The following TSPAN18 variants were observed in gnomAD, a reference collection of about 807,000 sequenced individuals.
TSPAN18 encodes the protein tetraspanin-18.
A neutral mutation model predicts 27.3 loss-of-function variants in TSPAN18; 14 were observed. That is an observed-to-expected ratio of 0.51 (90% CI 0.34 to 0.80). TSPAN18 has a LOEUF of 0.80. Ranked by LOEUF, TSPAN18 falls within the 30% of genes least tolerant of loss-of-function variation. The pLI is 0.01. For synonymous variants in TSPAN18, 143 were observed against 136.5 expected (o/e 1.05, Z -0.33); for missense variants, 268 against 323.9 (o/e 0.83, Z 1.32).
At chr11:44,908,612 G>A (rs1019326997) in intron 4 of TSPAN18, among the ~76,000 whole-genome samples, 1 of 116,856 alleles carries the variant, frequency 8.6e-6, no homozygotes. Flanking sequence ...GCATGTGCCT[G>A]TAGTCCCAGT....
chr11:44,874,125 G>A (rs35888588), intron 3 of TSPAN18, among the ~76,000 whole-genome samples: 2,991 of 152,260 alleles, frequency 0.02, 39 homozygotes, highest in South Asian at 0.042. Flanking sequence ...CCATGGAGCC[G>A]TGCACTCCTG....
At chr11:44,926,621 C>A in intron 8 of TSPAN18, 53 bp from the exon 9 acceptor site, 1 of 1,530,390 alleles carries the variant, frequency 6.5e-7, no homozygotes, top group Non-Finnish European at 9.1e-7. Flanking sequence ...TGGACTCTGA[C>A]TCCAGGACTC....
intron 1 of TSPAN18, among the ~76,000 whole-genome samples, chr11:44,732,660 G>T (rs1175818252): frequency 6.6e-6 from 1 of 152,072 alleles, no homozygotes; most frequent in East Asian, 1.9e-4. Context: ...AGTTTTTTGG[G>T]ACATGGCTGC....
At chr11:44,878,224 C>CCAATTAGAG (rs1047667533) in intron 3 of TSPAN18, among the ~76,000 whole-genome samples, 9 of 152,098 alleles carry the variant, frequency 5.9e-5, no homozygotes, top group Admixed American at 4.6e-4. Context: ...ATTACGTGTT[C>CCAATTAGAG]CAATTAGAGC....
chr11:44,819,428 G>A (rs967640481), intron 2 of TSPAN18, among the ~76,000 whole-genome samples: 5 of 152,170 alleles, frequency 3.3e-5, no homozygotes, highest in Non-Finnish European at 7.3e-5. Flanking sequence ...GAAGGGAGGT[G>A]GACTGTGCGC....
chr11:44,888,014 G>A (rs1209706673), intron 3 of TSPAN18, among the ~76,000 whole-genome samples: 1 of 152,206 alleles, frequency 6.6e-6, no homozygotes, highest in East Asian at 1.9e-4. Flanking sequence ...GATGCAATGT[G>A]GGAAGGGAGG....
intron 2 of TSPAN18, among the ~76,000 whole-genome samples, chr11:44,798,942 C>T (rs578160269): frequency 6.6e-6 from 1 of 152,258 alleles, no homozygotes; most frequent in East Asian, 1.9e-4. Flanking sequence ...CTAGGGGACC[C>T]AGGGCAGTGA....
chr11:44,822,841 A>G lies in TSPAN18; in HGVS notation c.-152-37487A>G, dbSNP rs148850185. Among the ~76,000 whole-genome samples, 161 of 152,278 alleles carry G rather than the reference A, an allele frequency of 1.1e-3. 2 individuals are homozygous for G. The East Asian group carries it at 0.022, about 20-fold the overall frequency. ...CCTGGGCTTCACTTTCTCCAATTGTATAATATAAGTCCTGCTAAACCAAGT... is the reference window on the plus strand; with the variant it reads ...CCTGGGCTTCACTTTCTCCAATTGTGTAATATAAGTCCTGCTAAACCAAGT... On this transcript the variant is annotated intron_variant, in intron 2 of 9. Coordinates refer to ENST00000520358, the MANE Select transcript of TSPAN18 (RefSeq NM_130783.5).
intron 2 of TSPAN18, among the ~76,000 whole-genome samples, chr11:44,780,340 C>G (rs1319363219): frequency 1.3e-5 from 2 of 152,214 alleles, no homozygotes; most frequent in Non-Finnish European, 2.9e-5. Context: ...GATGCCAAGC[C>G]CAGCAGGGGC....
chr11:44,772,862 T>C (rs1024039433), intron 2 of TSPAN18, among the ~76,000 whole-genome samples: 7 of 151,880 alleles, frequency 4.6e-5, no homozygotes, highest in African/African-American at 1.7e-4. Flanking sequence ...TTCTCCGTGT[T>C]GGTCAGGCTG....
At chr11:44,787,035 A>C (rs765257895) in intron 2 of TSPAN18, among the ~76,000 whole-genome samples, 5 of 152,202 alleles carry the variant, frequency 3.3e-5, no homozygotes, top group Non-Finnish European at 7.3e-5. Flanking sequence ...GCAGGGCCTA[A>C]TTAGGAAGGC....
intron 2 of TSPAN18, among the ~76,000 whole-genome samples, chr11:44,843,240 CAA>C (rs903099426): frequency 2.6e-5 from 4 of 151,994 alleles, no homozygotes; most frequent in African/African-American, 9.7e-5. Flanking sequence ...GGACAGAGTA[CAA>C]AAGAGGGAAA....
intron 1 of TSPAN18, among the ~76,000 whole-genome samples, chr11:44,740,319 T>C (rs939135825): frequency 6.6e-6 from 1 of 152,192 alleles, no homozygotes; most frequent in South Asian, 2.1e-4. Context: ...CTCCATTGTG[T>C]GATAAGGGTG....
chr11:44,839,253 C>G (rs1857321398), intron 2 of TSPAN18, among the ~76,000 whole-genome samples: 1 of 152,184 alleles, frequency 6.6e-6, no homozygotes, highest in African/African-American at 2.4e-5. Context: ...TGGAAGGGGT[C>G]AGGGGCTTGG....
intron 6 of TSPAN18, among the ~76,000 whole-genome samples, chr11:44,918,806 AC>A (rs1432727008): frequency 6.6e-6 from 1 of 151,904 alleles, no homozygotes; most frequent in Non-Finnish European, 1.5e-5. Flanking sequence ...AAACTGATGT[AC>A]AAAGACTTCC....
chr11:44,814,817 G>A (rs1260580148), intron 2 of TSPAN18, among the ~76,000 whole-genome samples: 1 of 152,168 alleles, frequency 6.6e-6, no homozygotes, highest in Admixed American at 6.5e-5. Context: ...GATAGAGCAG[G>A]CTGCTAAAAC....
intron 3 of TSPAN18, chr11:44,903,854 C>T (rs1859357392): frequency 2.2e-6 from 1 of 456,574 alleles, no homozygotes; most frequent in East Asian, 6.9e-5. Flanking sequence ...TGACCTCAGA[C>T]AAGTCACCTC....
At chr11:44,736,630 G>A (rs1448519954) in intron 1 of TSPAN18, 2 of 152,188 alleles carry the variant, frequency 1.3e-5, no homozygotes, top group Non-Finnish European at 1.5e-5. Context: ...CTTCCCTCCG[G>A]GCCCTGAAGG....
intron 2 of TSPAN18, among the ~76,000 whole-genome samples, chr11:44,841,336 G>A (rs1234846042): frequency 6.6e-6 from 1 of 152,096 alleles, no homozygotes. Context: ...GGCCAACATG[G>A]TGAAACCCCC....
Sources: gnomAD v4.1 joint callset for allele counts (sites outside exome capture counted in the v4.1 genomes callset) on GRCh38, gnomAD v4.1.1 for gene constraint, MANE v1.5 for transcripts, NCBI Gene and HGNC (gene_info 2026-07-23, HGNC 2026-07-21) for gene names.